Variants in ITGA4 observed in about 807,000 individuals in gnomAD.
ITGA4 encodes integrin subunit alpha 4, also known as integrin alpha-4.
In ITGA4, 63 loss-of-function variants were observed where a neutral mutation model predicts 133.6. That is an observed-to-expected ratio of 0.47 (90% confidence interval 0.38 to 0.58). The LOEUF (loss-of-function observed/expected upper bound fraction) is 0.58. Ranked by LOEUF, ITGA4 falls within the 20% of genes least tolerant of loss-of-function variation. The probability of loss-of-function intolerance (pLI) is 0.00; values close to 1 mark genes in which losing one functional copy is unlikely to be tolerated. For synonymous variants in ITGA4, 483 were observed against 438.0 expected (o/e 1.10, Z -1.28); for missense variants, 1,076 against 1,252.7 (o/e 0.86, Z 2.13).
rs1687064885 is a variant in ITGA4, at chr2:181,535,885, T to C, written c.*358T>C. 6.4e-6 allele frequency: 1 copy of C among 155,664 alleles called. No homozygotes were observed. The highest frequency in any genetic ancestry group is 6.4e-5 in the Admixed American group (1 of 15,506). 9.6% of individuals were successfully genotyped at this position (155,664 alleles called of 1,614,324 possible). ...TAGACTTGAAATACTACTTACCATA[T>C]GTGCTTGCCTCAGTAAAATGAACCC... On this transcript the variant is annotated 3_prime_UTR_variant, in exon 28 of 28. Transcript: ENST00000397033.
chr2:181,511,641 T>C, intron 16 of ITGA4, 58 bp from the exon 17 acceptor site: 1 of 884,406 alleles, frequency 1.1e-6, no homozygotes, highest in Non-Finnish European at 1.8e-6. Context: ...CTTTAAAATA[T>C]ATATAAATAT....
intron 18 of ITGA4, among the ~76,000 whole-genome samples, chr2:181,522,876 G>C (rs1014021156): frequency 6.6e-6 from 1 of 152,174 alleles, no homozygotes; most frequent in Non-Finnish European, 1.5e-5. Context: ...TGGAAACTCA[G>C]ATATTCACGG....
chr2:181,505,617 C>T (rs560931334), intron 15 of ITGA4, among the ~76,000 whole-genome samples: 1 of 152,020 alleles, frequency 6.6e-6, no homozygotes, highest in African/African-American at 2.4e-5. Context: ...GATATTACAG[C>T]TTTTGTCCTT....
In ITGA4 at chr2:181,495,475, A is replaced by G; in HGVS notation, c.1385+59A>G. ...TTTGGTTTAATTGTAAAATGATGGG[A>G]GGTGGTGTTTAAAATCAGCAGTGGT... On this transcript the variant is annotated intron_variant, in intron 13 of 27. Coordinates refer to ENST00000397033, the MANE Select transcript of ITGA4 (RefSeq NM_000885.6). This position sits in a 1 kb window ranked among gnomAD's most constrained non-coding sequence, Gnocchi z 4.3. The G allele has an allele frequency of 8.0e-7, 1 of 1,251,850 alleles. No individual in the cohort carries two copies. The highest frequency in any genetic ancestry group is 1.2e-6 in the Non-Finnish European group (1 of 850,918). 77.5% of individuals were successfully genotyped at this position (1,251,850 alleles called of 1,614,324 possible). A position where few individuals can be genotyped will look rare whatever the true frequency, so the allele number is the denominator to read the frequency against.
At position 181,457,653 on chromosome 2, in the gene ITGA4, G is replaced by A; in HGVS notation, c.-2G>A. On this transcript the variant is annotated 5_prime_UTR_variant, in exon 1 of 28. Coordinates refer to ENST00000397033, the MANE Select transcript of ITGA4 (RefSeq NM_000885.6). The stretch of plus-strand genomic sequence containing the variant: ...GTGTTGAATGTTCCCCACCGAGAGC[G>A]CATGGCTTGGGAAGCGAGGCGCGAA... The A allele has an allele frequency of 6.2e-7, 1 of 1,608,778 alleles. No homozygotes were observed. Among genetic ancestry groups the A allele is most frequent in the South Asian group, 1.1e-5 (1 of 90,208 alleles).
intron 24 of ITGA4, among the ~76,000 whole-genome samples, chr2:181,531,225 C>T (rs1001803502): frequency 1.3e-5 from 2 of 152,096 alleles, no homozygotes; most frequent in African/African-American, 2.4e-5. Flanking sequence ...AGGTTGTCTT[C>T]ACCTGGGCAG....
intron 10 of ITGA4, among the ~76,000 whole-genome samples, chr2:181,488,780 T>C (rs369715005): frequency 5.9e-5 from 9 of 152,140 alleles, no homozygotes; most frequent in Middle Eastern, 3.4e-3. Flanking sequence ...GGATGGTCTC[T>C]ATCTCCTGAC....
intron 18 of ITGA4, 102 bp downstream of exon 18, chr2:181,522,443 T>A (rs1686740389): frequency 2.6e-6 from 2 of 781,660 alleles, no homozygotes; most frequent in African/African-American, 1.8e-5. Flanking sequence ...GGTATAAGTC[T>A]TAATATTTAG....
intron 24 of ITGA4, 51 bp downstream of exon 24, chr2:181,530,700 A>C: frequency 6.4e-7 from 1 of 1,557,908 alleles, no homozygotes; most frequent in Non-Finnish European, 8.8e-7. Flanking sequence ...CAGAGAAGTG[A>C]GACACTTAAA....
intron 17 of ITGA4, among the ~76,000 whole-genome samples, chr2:181,520,548 A>T (rs1686696407): frequency 6.6e-6 from 1 of 152,030 alleles, no homozygotes; most frequent in Non-Finnish European, 1.5e-5. Context: ...AGGACTTGAG[A>T]CAGATAAATC....
At position 181,508,739 on chromosome 2, in the gene ITGA4, A is replaced by T. The variant is rs138949456; in HGVS notation, c.1696-919A>T. Among the ~76,000 whole-genome samples the T allele has an allele frequency of 7.0e-4, 106 of 152,116 alleles. 2 individuals carry two copies. In the East Asian group the frequency reaches 0.019, roughly 28 times the overall value. On this transcript the variant is annotated intron_variant, in intron 15 of 27. Transcript: ENST00000397033. ...TAAATAAATAAAAACTTTAACAACT[A>T]ATAAGAAAATCAGTGAAGCGACCAG...
chr2:181,484,368 TGAA>T (rs1685868530), intron 9 of ITGA4, among the ~76,000 whole-genome samples: 1 of 152,180 alleles, frequency 6.6e-6, no homozygotes, highest in Non-Finnish European at 1.5e-5. Flanking sequence ...AGGGAATACT[TGAA>T]GAAGAGTGAT....
At chr2:181,496,563 A>G (rs1168116856) in intron 14 of ITGA4, among the ~76,000 whole-genome samples, 1 of 152,236 alleles carries the variant, frequency 6.6e-6, no homozygotes, top group Non-Finnish European at 1.5e-5. Flanking sequence ...GTCCCTCTGT[A>G]TAGGCAACTC....
intron 6 of ITGA4, 70 bp downstream of exon 6, chr2:181,480,336 G>GA (rs1231105454): frequency 1.2e-6 from 1 of 839,996 alleles, no homozygotes; most frequent in Non-Finnish European, 1.7e-6. Context: ...TATAAATAAG[G>GA]AAAATGTATT....
At chr2:181,488,710 C>T (rs1239182817) in intron 10 of ITGA4, among the ~76,000 whole-genome samples, 2 of 151,954 alleles carry the variant, frequency 1.3e-5, no homozygotes, top group African/African-American at 2.4e-5. Flanking sequence ...AGGCACCCGC[C>T]ACCACCCCAG....
chr2:181,458,133 G>C, intron 1 of ITGA4, 63 bp from the exon 2 acceptor site: 2 of 1,606,988 alleles, frequency 1.2e-6, no homozygotes, highest in Non-Finnish European at 1.7e-6. Context: ...CATCTGTGGC[G>C]ACAGGGAGCT....
intron 2 of ITGA4, among the ~76,000 whole-genome samples, chr2:181,471,692 C>T (rs1160496652): frequency 1.3e-5 from 2 of 152,150 alleles, no homozygotes; most frequent in Non-Finnish European, 1.5e-5. Flanking sequence ...GACCCCCACC[C>T]CACCAATTTC....
chr2:181,511,726 G>A lies in ITGA4; in HGVS notation c.1873G>A (p.Glu625Lys), dbSNP rs1274214853. The A allele has an allele frequency of 3.7e-6, 6 of 1,601,124 alleles. No individual in the cohort carries two copies. Among genetic ancestry groups the A allele is most frequent in the Non-Finnish European group, 4.3e-6 (5 of 1,168,850 alleles). The change falls in exon 17 of 28, where the codon GAA (glutamate) becomes AAA (lysine). Residue 625 changes from glutamate to lysine, a missense_variant. Glu to Lys is a moderately conservative substitution (Grantham distance 56, BLOSUM62 1). Coordinates refer to ENST00000397033, the MANE Select transcript of ITGA4 (RefSeq NM_000885.6). ...AAACTTTGCAAGGTTTTGTGCCCATGAAAATTGTTCTGCTGATTTACAGGT... is the reference window on the plus strand; with the variant it reads ...AAACTTTGCAAGGTTTTGTGCCCATAAAAATTGTTCTGCTGATTTACAGGT... ...TINFARFCAH[E>K]NCSADLQVSA...
At chr2:181,501,960 C>A (rs1215200719) in intron 15 of ITGA4, among the ~76,000 whole-genome samples, 1 of 151,966 alleles carries the variant, frequency 6.6e-6, no homozygotes, top group Non-Finnish European at 1.5e-5. Context: ...TGGCTGAGAT[C>A]AGAAGAGGGC....
Sources: allele counts gnomAD v4.1 joint callset (sites outside exome capture counted in the v4.1 genomes callset), GRCh38; gene constraint gnomAD v4.1.1; non-coding constraint Gnocchi (gnomAD v3.1); transcripts MANE v1.5; gene names NCBI Gene and HGNC (gene_info 2026-07-23, HGNC 2026-07-21).